SIX5: variants seen among roughly 807,000 people sequenced by gnomAD.
The protein encoded by SIX5 is SIX homeobox 5.
In SIX5, 21 loss-of-function variants were observed where a neutral mutation model predicts 37.1. The ratio of observed to expected loss-of-function variants is 0.57; its 90% CI spans 0.40 to 0.81. SIX5 has a LOEUF of 0.81. Ranked by LOEUF, SIX5 falls within the 40% of genes least tolerant of loss-of-function variation. The pLI is 0.00. For missense variants in SIX5, 1,137 were observed against 1,025.1 expected (o/e 1.11, Z -1.49); for synonymous variants, 626 against 505.9 (o/e 1.24, Z -3.19).
rs754407920 is a variant in SIX5, at chr19:45,768,335, A to C, written c.510T>G (p.His170Gln). 2 of 1,603,586 alleles carry C rather than the reference A, an allele frequency of 1.2e-6. No individual in the cohort carries two copies. Among genetic ancestry groups the C allele is most frequent in the Non-Finnish European group, 1.7e-6 (2 of 1,176,274 alleles). Residue 170 changes from histidine to glutamine, a missense_variant, in exon 1 of 3, where the codon CAT (histidine) becomes CAG (glutamine). By Grantham distance (24) the His-to-Gln change is conservative (BLOSUM62 0). Coordinates refer to ENST00000317578, the MANE Select transcript of SIX5 (RefSeq NM_175875.5). ...CGCGGCCGCGGGCCCGCTCGGCCTC[A>C]TGGTAGCGCGCGCGCAGGTAGAGGT... The part of the protein sequence containing the change: ...LQDLYLRARY[H>Q]EAERARGRAL...
Position 45,765,404 on chromosome 19 carries a change from G to A in SIX5, c.*97C>T. On this transcript the variant is annotated 3_prime_UTR_variant, in exon 3 of 3. Transcript: ENST00000317578. ...CCCAGGCAGAAGGATGTGGTGACTG[G>A]GGTCTTCAGCAACCGCATTTCTGGG... The A allele has an allele frequency of 1.3e-6, 2 of 1,558,190 alleles. No individual in the cohort carries two copies. Among genetic ancestry groups the A allele is most frequent in the East Asian group, 2.2e-5 (1 of 44,664 alleles).
rs918658376 is a variant in SIX5, at chr19:45,765,486, C to G, written c.*15G>C. 1 of 1,613,138 alleles carries G rather than the reference C, an allele frequency of 6.2e-7. No individual in the cohort carries two copies. ...TCAGCACCAATGTCGGGAGAGGCCA[C>G]GGGGCCACACTGGGTCACAGTTCCA... On this transcript the variant is annotated 3_prime_UTR_variant, in exon 3 of 3. Coordinates refer to ENST00000317578, the MANE Select transcript of SIX5 (RefSeq NM_175875.5).
Position 45,768,997 on chromosome 19 carries a change from G to C in SIX5, c.-153C>G. The C allele has an allele frequency of 1.4e-6, 1 of 705,328 alleles. No individual in the cohort carries two copies. The highest frequency in any genetic ancestry group is 2.3e-6 in the Non-Finnish European group (1 of 427,960). The allele number at this position is 705,328 out of a possible 1,614,324, so 43.7% of individuals were successfully genotyped here. ...CCTGCGCCCCACGCCGGGAAGGCGAGATCCAGCTCTCCACTCGGGTCTCTG... is the reference window on the plus strand; with the variant it reads ...CCTGCGCCCCACGCCGGGAAGGCGACATCCAGCTCTCCACTCGGGTCTCTG... On this transcript the variant is annotated 5_prime_UTR_variant, in exon 1 of 3. It adds an upstream start codon to the 5' untranslated region. Transcript: ENST00000317578.
chr19:45,767,109 G>A lies in SIX5; in HGVS notation c.850C>T (p.Pro284Ser), dbSNP rs1429254098. The change falls in exon 2 of 3, where the codon CCT becomes TCT. Residue 284 changes from proline (P) to serine (S), a missense_variant. Pro to Ser is a moderately conservative substitution (Grantham distance 74). This residue lies in a region of SIX5 where 787 missense variants were observed against 621.4 expected (regional missense o/e 1.27). Transcript: ENST00000317578. The stretch of plus-strand genomic sequence containing the variant: ...GCCGCCCCTCTCTCCAGGTCCTCAG[G>A]ACTTCGGCTGGACTCGTCCTCAGTC... ...PTTEDESSRS[P>S]EDLERGAAPV... The A allele has an allele frequency of 7.4e-6, 12 of 1,612,312 alleles. No individual in the cohort carries two copies. Among genetic ancestry groups the A allele is most frequent in the East Asian group, 2.2e-5 (1 of 44,884 alleles).
At position 45,766,475 on chromosome 19, in the gene SIX5, T is replaced by C; in HGVS notation, c.1484A>G (p.Gln495Arg). ...VTLPQAVGPL[Q>R]LLAAGPGSPV... ...GCTGCCTGGCCCGGCTGCCAACAGCTGCAGGGGCCCCACAGCCTGGGGCAG... is the reference window on the plus strand; with the variant it reads ...GCTGCCTGGCCCGGCTGCCAACAGCCGCAGGGGCCCCACAGCCTGGGGCAG... Residue 495 changes from glutamine to arginine, a missense_variant, in exon 2 of 3, where the codon CAG (glutamine) becomes CGG (arginine). Gln to Arg is a conservative substitution (Grantham distance 43, BLOSUM62 1). This residue lies in a region of SIX5 where 787 missense variants were observed against 621.4 expected (regional missense o/e 1.27). Coordinates refer to ENST00000317578, the MANE Select transcript of SIX5 (RefSeq NM_175875.5). The C allele has an allele frequency of 6.5e-7, 1 of 1,527,114 alleles. No homozygotes were observed. The highest frequency in any genetic ancestry group is 1.2e-5 in the South Asian group (1 of 81,132). 94.6% of individuals were successfully genotyped at this position (1,527,114 alleles called of 1,614,324 possible).
Position 45,766,665 on chromosome 19 carries a change from G to A in SIX5, c.1294C>T (p.Pro432Ser). The A allele has an allele frequency of 6.7e-7, 1 of 1,493,234 alleles. No homozygotes were observed. Among genetic ancestry groups the A allele is most frequent in the South Asian group, 1.3e-5 (1 of 77,282 alleles). 92.5% of individuals were successfully genotyped at this position (1,493,234 alleles called of 1,614,324 possible). A position where few individuals can be genotyped will look rare whatever the true frequency, so the allele number is the denominator to read the frequency against. Reference protein sequence around the residue: ...LGPLAQVVPGPPTAATFPLPP... With the variant: ...LGPLAQVVPGSPTAATFPLPP... ...AGAGGAAAGGTGGCAGCCGTCGGGG[G>A]GCCAGGCACCACTTGGGCCAGGGGC... The change falls in exon 2 of 3, where the codon CCC becomes TCC. Residue 432 changes from proline to serine, a missense_variant. Physicochemically the swap from Pro to Ser is moderately conservative, Grantham distance 74. Coordinates refer to ENST00000317578, the MANE Select transcript of SIX5 (RefSeq NM_175875.5).
In SIX5 at chr19:45,766,943, T is replaced by C. The variant is rs1040619662; in HGVS notation, c.1016A>G (p.Asn339Ser). Residue 339 changes from asparagine (N) to serine (S), a missense_variant, in exon 2 of 3, where the codon AAC becomes AGC. Physicochemically the swap from Asn to Ser is conservative, Grantham distance 46. Transcript: ENST00000317578. ...GCCGTTGATGATGACGGGGCCCCCGTTGAGGAGCACTGCTGGGGAGCCGCT... is the reference window on the plus strand; with the variant it reads ...GCCGTTGATGATGACGGGGCCCCCGCTGAGGAGCACTGCTGGGGAGCCGCT... ...AASGSPAVLL[N>S]GGPVIINGLA... is the part of the protein sequence containing the mutation. 4 of 1,576,498 alleles carry C rather than the reference T, an allele frequency of 2.5e-6. No individual in the cohort carries two copies. Among genetic ancestry groups the C allele is most frequent in the African/African-American group, 1.4e-5 (1 of 73,994 alleles).
Position 45,765,438 on chromosome 19 carries a change from C to T in SIX5, c.*63G>A, listed in dbSNP as rs1202525693. 3 of 1,610,032 alleles carry T rather than the reference C, an allele frequency of 1.9e-6. No individual in the cohort carries two copies. The highest frequency in any genetic ancestry group is 2.5e-6 in the Non-Finnish European group (3 of 1,178,864). Reference sequence around the variant, plus strand: ...GCAACCGCATTTCTGGGGCTCCCCCCTCCCATTCCTGTCCCTGCGTCTTCA... The same window carrying T: ...GCAACCGCATTTCTGGGGCTCCCCCTTCCCATTCCTGTCCCTGCGTCTTCA... On this transcript the variant is annotated 3_prime_UTR_variant, in exon 3 of 3. Transcript: ENST00000317578.
In SIX5 at chr19:45,765,290, A is replaced by T; in HGVS notation, c.*211T>A. On this transcript the variant is annotated 3_prime_UTR_variant, in exon 3 of 3. Coordinates refer to ENST00000317578, the MANE Select transcript of SIX5 (RefSeq NM_175875.5). ...CACAGCATGGGGAGGGCTGTAACAG[A>T]GAGGCCTCCCATCCAAAGGGGGATG... 13 of 698,466 alleles carry T rather than the reference A, an allele frequency of 1.9e-5. No individual in the cohort carries two copies. In the South Asian group the frequency reaches 2.1e-4, roughly 11 times the overall value. The allele number at this position is 698,466 out of a possible 1,614,324, so 43.3% of individuals were successfully genotyped here. A position where few individuals can be genotyped will look rare whatever the true frequency, so the allele number is the denominator to read the frequency against.
In SIX5 at chr19:45,765,668, G is replaced by A. The variant is rs745702314; in HGVS notation, c.2053C>T (p.Leu685=). The A allele has an allele frequency of 1.3e-5, 21 of 1,612,786 alleles. No homozygotes were observed. The Admixed American group carries it at 3.3e-4, about 26-fold the overall frequency. The change falls in exon 3 of 3, where the codon CTG becomes TTG. Residue 685 remains leucine (L), a synonymous_variant. Transcript: ENST00000317578. ...TEGLLEAEKG[L]GTQAPHTVLR... ...ACGGTGTGGGGGGCCTGTGTCCCCA[G>A]CCCCTTTTCCGCTTCCAGCAGCCCC...
At position 45,765,394 on chromosome 19, in the gene SIX5, G is replaced by A. The variant is rs553395014; in HGVS notation, c.*107C>T. 5.3e-6 allele frequency: 8 copies of A among 1,513,220 alleles called. No individual in the cohort carries two copies. The African/African-American group carries it at 9.6e-5, about 18-fold the overall frequency. 93.7% of individuals were successfully genotyped at this position (1,513,220 alleles called of 1,614,324 possible). On this transcript the variant is annotated 3_prime_UTR_variant, in exon 3 of 3. Coordinates refer to ENST00000317578, the MANE Select transcript of SIX5 (RefSeq NM_175875.5). ...GGAGAGGCCACCCAGGCAGAAGGATGTGGTGACTGGGGTCTTCAGCAACCG... is the reference window on the plus strand; with the variant it reads ...GGAGAGGCCACCCAGGCAGAAGGATATGGTGACTGGGGTCTTCAGCAACCG...
At position 45,765,106 on chromosome 19, in the gene SIX5, C is replaced by A. The variant is rs138057336; in HGVS notation, c.*395G>T. Reference sequence around the variant, plus strand: ...AGGCAGTTGTGACAACACCAGCTATCGGCAGAGCTATTAATAGTGTTTCAG... The same window carrying A: ...AGGCAGTTGTGACAACACCAGCTATAGGCAGAGCTATTAATAGTGTTTCAG... On this transcript the variant is annotated 3_prime_UTR_variant, in exon 3 of 3. Coordinates refer to ENST00000317578, the MANE Select transcript of SIX5 (RefSeq NM_175875.5). The A allele has an allele frequency of 7.1e-6, 2 of 280,884 alleles. No homozygotes were observed. Among genetic ancestry groups the A allele is most frequent in the South Asian group, 4.4e-5 (1 of 22,818 alleles). The allele number at this position is 280,884 out of a possible 1,614,324, so 17.4% of individuals were successfully genotyped here. A position where few individuals can be genotyped will look rare whatever the true frequency, so the allele number is the denominator to read the frequency against.
At position 45,768,455 on chromosome 19, in the gene SIX5, C is replaced by G; in HGVS notation, c.390G>C (p.Arg130=). ...CGCCCCGCTGGAAGGCCACCAGGGC[C>G]CGCGCGCGCAACACCGGGTCGCTGC... ...LRGSDPVLRA[R]ALVAFQRGEY... The change falls in exon 1 of 3, where the codon CGG becomes CGC. Residue 130 remains arginine (R), a synonymous_variant. Coordinates refer to ENST00000317578, the MANE Select transcript of SIX5 (RefSeq NM_175875.5). 1 of 1,531,036 alleles carries G rather than the reference C, an allele frequency of 6.5e-7. No homozygotes were observed. The highest frequency in any genetic ancestry group is 1.2e-5 in the South Asian group (1 of 83,906). 94.8% of individuals were successfully genotyped at this position (1,531,036 alleles called of 1,614,324 possible). A position where few individuals can be genotyped will look rare whatever the true frequency, so the allele number is the denominator to read the frequency against.
rs1034926531 is a variant in SIX5, at chr19:45,767,046, A to C, written c.913T>G (p.Phe305Val). The stretch of plus-strand genomic sequence containing the variant: ...GCGGGAGGGCCGGTCCCTGCCAGGA[A>C]TATGGAGCCCTGGGCAGCGGCCTCG... ...SAEAAAQGSI[F>V]LAGTGPPAPC... Residue 305 changes from phenylalanine (F) to valine (V), a missense_variant, in exon 2 of 3, where the codon TTC (phenylalanine) becomes GTC (valine). Physicochemically the swap from Phe to Val is conservative, Grantham distance 50. This residue lies in a region of SIX5 where 787 missense variants were observed against 621.4 expected (regional missense o/e 1.27). Coordinates refer to ENST00000317578, the MANE Select transcript of SIX5 (RefSeq NM_175875.5). The C allele has an allele frequency of 5.6e-6, 9 of 1,609,996 alleles. No homozygotes were observed. The highest frequency in any genetic ancestry group is 6.8e-6 in the Non-Finnish European group (8 of 1,178,784).
Position 45,768,295 on chromosome 19 carries a change from C to T in SIX5, c.550G>A (p.Asp184Asn). 1.2e-6 allele frequency: 2 copies of T among 1,611,614 alleles called. No homozygotes were observed. The highest frequency in any genetic ancestry group is 8.5e-7 in the Non-Finnish European group (1 of 1,179,244). ...RARGRALGAV[D>N]KYRLRKKFPL... ...AACTTCTTGCGCAGTCGATACTTGT[C>T]CACTGCGCCAAGCGCGCGGCCGCGG... The change falls in exon 1 of 3, where the codon GAC becomes AAC. Residue 184 changes from aspartate to asparagine, a missense_variant. Transcript: ENST00000317578.
At chr19:45,767,758 C>T (rs1207580903) in intron 1 of SIX5, 2 of 534,706 alleles carry the variant, frequency 3.7e-6, no homozygotes, top group Admixed American at 6.8e-5. Context: ...CTCAGTCCCT[C>T]TAGTGCCCCC....
chr19:45,767,882 CTT>C, intron 1 of SIX5, 158 bp downstream of exon 1: 1 of 744,370 alleles, frequency 1.3e-6, no homozygotes, highest in Non-Finnish European at 2.1e-6. Flanking sequence ...CCCGTCCACA[CTT>C]AGTCCCCGCG....
Position 45,766,572 on chromosome 19 carries a change from G to A in SIX5, c.1387C>T (p.Pro463Ser), listed in dbSNP as rs868250229. The change falls in exon 2 of 3, where the codon CCC (proline) becomes TCC (serine). Residue 463 changes from proline (P) to serine (S), a missense_variant. This residue lies in a region of SIX5 where 787 missense variants were observed against 621.4 expected (regional missense o/e 1.27). Coordinates refer to ENST00000317578, the MANE Select transcript of SIX5 (RefSeq NM_175875.5). ...GGGGAGGTGGGGCTCAGGCCCGTGG[G>A]ATACCCCGGGGGTGGGGAGAGCGGT... ...VVPLSPPPGY[P>S]TGLSPTSPLL... The A allele has an allele frequency of 1.4e-6, 2 of 1,473,286 alleles. No individual in the cohort carries two copies. Among genetic ancestry groups the A allele is most frequent in the Non-Finnish European group, 9.0e-7 (1 of 1,105,584 alleles). The allele number at this position is 1,473,286 out of a possible 1,614,324, so 91.3% of individuals were successfully genotyped here.
Position 45,766,418 on chromosome 19 carries a change from G to A in SIX5, c.1541C>T (p.Ala514Val), listed in dbSNP as rs1356793959. 1.9e-6 allele frequency: 3 copies of A among 1,575,810 alleles called. No homozygotes were observed. Among genetic ancestry groups the A allele is most frequent in the South Asian group, 1.2e-5 (1 of 86,074 alleles). The change falls in exon 2 of 3, where the codon GCC becomes GTC. Residue 514 changes from alanine to valine, a missense_variant. Around this residue, in one of 3 missense-constraint regions of SIX5, gnomAD observed 787 missense variants for 621.4 expected, o/e 1.27. Coordinates refer to ENST00000317578, the MANE Select transcript of SIX5 (RefSeq NM_175875.5). ...CCCGGAGTTGATGAGGTGCACATTG[G>A]CAGGGCCTGCTGCAGCTGCCACCTT... ...PVKVAAAAGP[A>V]NVHLINSGVG... is the part of the protein sequence containing the mutation.
Sources: allele counts gnomAD v4.1 joint callset, GRCh38; gene constraint gnomAD v4.1.1; regional missense constraint gnomAD v4.1.1; transcripts MANE v1.5; gene names NCBI Gene and HGNC (gene_info 2026-07-23, HGNC 2026-07-21).